The following HPCAL1 variants were observed in gnomAD, a reference collection of about 807,000 sequenced individuals.
The protein encoded by HPCAL1 is hippocalcin-like protein 1.
Under a neutral mutation model 17.1 loss-of-function variants are expected in HPCAL1, and 8 were observed. The ratio of observed to expected loss-of-function variants is 0.47; its 90% CI spans 0.27 to 0.84. HPCAL1 has a LOEUF of 0.84. Ranked by LOEUF, HPCAL1 falls within the 40% of genes least tolerant of loss-of-function variation. The pLI is 0.13. For missense variants in HPCAL1, 165 were observed against 271.1 expected, an observed-to-expected ratio of 0.61 and a Z score of 2.75; for synonymous variants, 112 against 111.4, an observed-to-expected ratio of 1.01 and a Z score of -0.03.
intron 1 of HPCAL1, among the ~76,000 whole-genome samples, chr2:10,372,071 C>T (rs1200550389): frequency 1.3e-5 from 2 of 152,244 alleles, no homozygotes; most frequent in East Asian, 3.8e-4. Flanking sequence ...TATTTGAAAG[C>T]CAAACACGTT....
intron 1 of HPCAL1, among the ~76,000 whole-genome samples, chr2:10,316,644 C>T (rs1205000789): frequency 6.6e-6 from 1 of 152,128 alleles, no homozygotes; most frequent in Non-Finnish European, 1.5e-5. Context: ...GGCCAGCCAT[C>T]AGAAAAATTG....
Position 10,360,027 on chromosome 2 carries a change from C to T in HPCAL1, c.-110-36808C>T, listed in dbSNP as rs1369249685. Among the ~76,000 whole-genome samples the T allele has an allele frequency of 1.1e-4, 16 of 152,102 alleles. No homozygotes were observed. In the East Asian group the frequency reaches 1.9e-3, roughly 18 times the overall value. ...ATTCATTCTTCACTGTGTGGGGTGT[C>T]GGGACCCAGCACGGGCTCCTGGCGC... On this transcript the variant is annotated intron_variant, in intron 1 of 4. Coordinates refer to ENST00000307845, the MANE Select transcript of HPCAL1 (RefSeq NM_002149.4).
intron 2 of HPCAL1, among the ~76,000 whole-genome samples, chr2:10,418,008 C>A (rs1439550880): frequency 6.6e-6 from 1 of 151,688 alleles, no homozygotes; most frequent in Non-Finnish European, 1.5e-5. Flanking sequence ...CACACTGCAG[C>A]CTGGGTGACA....
chr2:10,407,076 G>A (rs1267542744), intron 2 of HPCAL1, among the ~76,000 whole-genome samples: 2 of 152,130 alleles, frequency 1.3e-5, no homozygotes, highest in African/African-American at 4.8e-5. Context: ...GTAGCAGGAA[G>A]TCCCCCATCC....
rs1216081431 is a variant in HPCAL1 at position 10,394,629 on chromosome 2, C to T, written c.-110-2206C>T. ...CAAGAGGGAACCCTAACGTGAGCTG[C>T]GGACCTGGGGGGTGATGATGGTCAG... On this transcript the variant is annotated intron_variant, in intron 1 of 4. Transcript: ENST00000307845. This position sits in a 1 kb window ranked among gnomAD's most constrained non-coding sequence, Gnocchi z 5.0. 2.6e-5 allele frequency among the ~76,000 whole-genome samples: 4 copies of T among 152,074 alleles called. No homozygotes were observed. The highest frequency in any genetic ancestry group is 7.2e-5 in the African/African-American group (3 of 41,420).
At position 10,420,063 on chromosome 2, in the gene HPCAL1, G is replaced by A; in HGVS notation, c.306G>A (p.Lys102=). ...TSRGKLEQKL[K]WAFSMYDLDG... is the part of the protein sequence containing the mutation. ...GGGGCAAGCTGGAGCAGAAGCTCAAGTGGGCCTTCAGCATGTACGACCTGG... is the reference window on the plus strand; with the variant it reads ...GGGGCAAGCTGGAGCAGAAGCTCAAATGGGCCTTCAGCATGTACGACCTGG... The change falls in exon 3 of 5, where the codon AAG becomes AAA. Residue 102 remains lysine (K), a synonymous_variant. Coordinates refer to ENST00000307845, the MANE Select transcript of HPCAL1 (RefSeq NM_002149.4). 5.0e-6 allele frequency: 8 copies of A among 1,613,864 alleles called. No individual in the cohort carries two copies. The highest frequency in any genetic ancestry group is 6.8e-6 in the Non-Finnish European group (8 of 1,180,026).
intron 2 of HPCAL1, chr2:10,406,408 G>A (rs775037644): frequency 6.6e-6 from 1 of 152,326 alleles, no homozygotes; most frequent in African/African-American, 2.4e-5. Context: ...GCGTGTGTGG[G>A]GGGTCACTTC....
chr2:10,323,853 A>G lies in HPCAL1; in HGVS notation c.-111+20676A>G, dbSNP rs1663826693. Among the ~76,000 whole-genome samples the G allele has an allele frequency of 6.6e-6, 1 of 152,170 alleles. No individual in the cohort carries two copies. The highest frequency in any genetic ancestry group is 2.1e-4 in the South Asian group (1 of 4,824). On this transcript the variant is annotated intron_variant, in intron 1 of 4. Transcript: ENST00000307845. This position sits in a 1 kb window ranked among gnomAD's most constrained non-coding sequence, Gnocchi z 4.6. ...GCGTCTTGTCGGAACTTCCATATAC[A>G]CTTCCACTGGCTACTTCATGGAAAC... is the stretch of plus-strand genomic sequence containing the variant.
At position 10,316,136 on chromosome 2, in the gene HPCAL1, G is replaced by T. The variant is rs575611635; in HGVS notation, c.-111+12959G>T. Among the ~76,000 whole-genome samples the T allele has an allele frequency of 9.9e-4, 151 of 152,292 alleles. 1 individual carries two copies. The highest frequency in any genetic ancestry group is 3.5e-3 in the African/African-American group (146 of 41,550). On this transcript the variant is annotated intron_variant, in intron 1 of 4. Coordinates refer to ENST00000307845, the MANE Select transcript of HPCAL1 (RefSeq NM_002149.4). The stretch of plus-strand genomic sequence containing the variant: ...TTGAACTTGGGCGTTCACTTCGTTT[G>T]TTGACCTGGAAGGAGCCATCTCGGC...
rs1380265369 is a variant in HPCAL1 at position 10,426,895 on chromosome 2, T to C, written c.*74T>C. 2.2e-6 allele frequency: 3 copies of C among 1,368,110 alleles called. No individual in the cohort carries two copies. The highest frequency in any genetic ancestry group is 3.1e-6 in the Non-Finnish European group (3 of 961,372). 84.7% of individuals were successfully genotyped at this position (1,368,110 alleles called of 1,614,324 possible). ...TTTAAGCTTTGCTTGCAAGAGTGGA[T>C]GCCCCGCAATCGTTCCTGCTCTCCC... On this transcript the variant is annotated 3_prime_UTR_variant, in exon 5 of 5. Coordinates refer to ENST00000307845, the MANE Select transcript of HPCAL1 (RefSeq NM_002149.4).
chr2:10,325,393 C>G (rs1336414844), intron 1 of HPCAL1, among the ~76,000 whole-genome samples: 1 of 152,240 alleles, frequency 6.6e-6, no homozygotes, highest in Admixed American at 6.5e-5. Context: ...ATTTTACAGA[C>G]GAGAACACCG....
intron 1 of HPCAL1, among the ~76,000 whole-genome samples, chr2:10,329,883 A>G (rs1287567014): frequency 1.3e-5 from 2 of 152,190 alleles, no homozygotes; most frequent in South Asian, 2.1e-4. Flanking sequence ...CTTTTTTTCT[A>G]AAGAAGAGAC....
At chr2:10,317,515 T>C (rs542180008) in intron 1 of HPCAL1, among the ~76,000 whole-genome samples, 1 of 152,072 alleles carries the variant, frequency 6.6e-6, no homozygotes, top group South Asian at 2.1e-4. Flanking sequence ...CCTCCTGGGT[T>C]CGAGCAATTC....
At chr2:10,382,476 C>T (rs1668015318) in intron 1 of HPCAL1, among the ~76,000 whole-genome samples, 1 of 151,636 alleles carries the variant, frequency 6.6e-6, no homozygotes, top group African/African-American at 2.4e-5. Flanking sequence ...CGGGTTCATC[C>T]GTTGTAACAA....
chr2:10,390,650 T>C (rs757386722), intron 1 of HPCAL1, among the ~76,000 whole-genome samples: 1 of 152,110 alleles, frequency 6.6e-6, no homozygotes, highest in Non-Finnish European at 1.5e-5. Context: ...TTTCTGCAGG[T>C]CCCAGTGAGC....
At chr2:10,366,589 G>T (rs984747346) in intron 1 of HPCAL1, among the ~76,000 whole-genome samples, 2 of 152,184 alleles carry the variant, frequency 1.3e-5, no homozygotes, top group South Asian at 2.1e-4. Flanking sequence ...TTCACAGACA[G>T]ATGTTCCAAG....
chr2:10,307,779 T>A (rs1356995684), intron 1 of HPCAL1, among the ~76,000 whole-genome samples: 1 of 152,212 alleles, frequency 6.6e-6, no homozygotes, highest in African/African-American at 2.4e-5. Flanking sequence ...CAGCGGAGCC[T>A]TATCTGCCCT....
chr2:10,385,111 AAGAT>A (rs1437235239), intron 1 of HPCAL1, among the ~76,000 whole-genome samples: 2 of 150,316 alleles, frequency 1.3e-5, no homozygotes, highest in African/African-American at 2.4e-5. Context: ...AAAAAAAAAA[AAGAT>A]AGAGGTGACA....
At chr2:10,339,748 G>A (rs1017274883) in intron 1 of HPCAL1, among the ~76,000 whole-genome samples, 4 of 152,240 alleles carry the variant, frequency 2.6e-5, no homozygotes, top group Non-Finnish European at 4.4e-5. Context: ...GAGGCTCAGA[G>A]CATGTAAGAT....
Sources: gnomAD v4.1 joint callset for allele counts (sites outside exome capture counted in the v4.1 genomes callset) on GRCh38, gnomAD v4.1.1 for gene constraint, Gnocchi (gnomAD v3.1) non-coding constraint, MANE v1.5 for transcripts, NCBI Gene and HGNC (gene_info 2026-07-23, HGNC 2026-07-21) for gene names.